The following AGBL4 variants were observed in gnomAD, a reference collection of about 807,000 sequenced individuals.
The protein encoded by AGBL4 is AGBL carboxypeptidase 4.
AGBL4 carries 58 observed loss-of-function variants against 66.4 expected under a neutral mutation model. That is an observed-to-expected ratio of 0.87 (90% CI 0.71 to 1.09). AGBL4 has a LOEUF of 1.09. Among genes scored for constraint, AGBL4 ranks in the 50% least tolerant of loss-of-function variants. The pLI is 0.00. For missense variants in AGBL4, 579 were observed against 631.0 expected, an observed-to-expected ratio of 0.92 and a Z score of 0.88; for synonymous variants, 234 against 222.9, an observed-to-expected ratio of 1.05 and a Z score of -0.44.
At chr1:49,117,404 T>C (rs1645549321) in intron 4 of AGBL4, among the ~76,000 whole-genome samples, 1 of 152,176 alleles carries the variant, frequency 6.6e-6, no homozygotes, top group South Asian at 2.1e-4. Context: ...GTATAAGGTG[T>C]AAGGAGGGGA....
At chr1:49,563,666 A>C (rs1558055276) in intron 3 of AGBL4, among the ~76,000 whole-genome samples, 1 of 152,082 alleles carries the variant, frequency 6.6e-6, no homozygotes, top group Non-Finnish European at 1.5e-5. Context: ...AGCCCACTTG[A>C]TCATGGTGGA....
At chr1:49,463,359 T>C (rs1359254585) in intron 3 of AGBL4, among the ~76,000 whole-genome samples, 1 of 151,716 alleles carries the variant, frequency 6.6e-6, no homozygotes, top group East Asian at 1.9e-4. Flanking sequence ...AATAGTACTC[T>C]TCCACTTAAA....
At chr1:48,924,349 T>C (rs1188494810) in intron 5 of AGBL4, among the ~76,000 whole-genome samples, 1 of 152,008 alleles carries the variant, frequency 6.6e-6, no homozygotes, top group African/African-American at 2.4e-5. Flanking sequence ...CTATTTGTTC[T>C]CTCACCTGAG....
intron 6 of AGBL4, among the ~76,000 whole-genome samples, chr1:48,754,128 A>G (rs902165820): frequency 6.6e-6 from 1 of 152,180 alleles, no homozygotes; most frequent in Non-Finnish European, 1.5e-5. Context: ...AGTGGTACTT[A>G]CAGTGTAACA....
chr1:48,664,152 C>G (rs770585577), intron 6 of AGBL4, among the ~76,000 whole-genome samples: 2 of 152,178 alleles, frequency 1.3e-5, no homozygotes, highest in Non-Finnish European at 2.9e-5. Context: ...AGCAAAGAAG[C>G]CTCACTGAGA....
At chr1:49,387,502 C>T (rs942183575) in intron 3 of AGBL4, among the ~76,000 whole-genome samples, 8 of 151,582 alleles carry the variant, frequency 5.3e-5, no homozygotes, top group Non-Finnish European at 1.2e-4. Flanking sequence ...TCCTTTCATC[C>T]TATCTTTTCA....
At chr1:49,511,001 T>A (rs1649186805) in intron 3 of AGBL4, among the ~76,000 whole-genome samples, 1 of 151,888 alleles carries the variant, frequency 6.6e-6, no homozygotes, top group South Asian at 2.1e-4. Flanking sequence ...GTAGTATAGT[T>A]TGAAGTCAGG....
In AGBL4 at chr1:49,870,584, A is replaced by G. The variant is rs1040020866; in HGVS notation, c.35-19066T>C. ...TATATATATCTACAATGTACCCTTA[A>G]AAATTAAAAATTAAAAATTTTTTGA... On this transcript the variant is annotated intron_variant, in intron 1 of 13. Transcript: ENST00000371839. Among the ~76,000 whole-genome samples, 13 of 151,760 alleles carry G rather than the reference A, an allele frequency of 8.6e-5. No homozygotes were observed. In the East Asian group the frequency reaches 1.9e-3, roughly 23 times the overall value.
intron 3 of AGBL4, among the ~76,000 whole-genome samples, chr1:49,634,365 C>T (rs1645630183): frequency 6.6e-6 from 1 of 152,156 alleles, no homozygotes; most frequent in Admixed American, 6.5e-5. Flanking sequence ...TTTCCAGCTT[C>T]ATCCATGTCC....
At chr1:48,549,425 C>T (rs988776019) in intron 11 of AGBL4, among the ~76,000 whole-genome samples, 1 of 152,004 alleles carries the variant, frequency 6.6e-6, no homozygotes, top group Non-Finnish European at 1.5e-5. Context: ...TCCAGAGGCA[C>T]CCCCTAGGTA....
intron 3 of AGBL4, among the ~76,000 whole-genome samples, chr1:49,303,306 A>G (rs1276333681): frequency 6.6e-6 from 1 of 152,146 alleles, no homozygotes; most frequent in East Asian, 1.9e-4. Context: ...AGTTCTCCAC[A>G]GCCTTGCCAG....
rs76830472 is a variant in AGBL4 at position 48,537,271 on chromosome 1, A to C, written c.1365-2355T>G. On this transcript the variant is annotated intron_variant, in intron 12 of 13. Transcript: ENST00000371839. ...AGGCAGAGGTGTGTGCATAGGGAGG[A>C]GGTTATTAAGTTTTTTCTTAATTTA... is the stretch of plus-strand genomic sequence containing the variant. Among the ~76,000 whole-genome samples, 1,054 of 152,122 alleles carry C rather than the reference A, an allele frequency of 6.9e-3. 5 individuals are homozygous for C. The highest frequency in any genetic ancestry group is 0.012 in the Non-Finnish European group (813 of 67,998).
intron 5 of AGBL4, among the ~76,000 whole-genome samples, chr1:48,962,057 T>C (rs1305902235): frequency 6.6e-6 from 1 of 152,036 alleles, no homozygotes; most frequent in Non-Finnish European, 1.5e-5. Flanking sequence ...ACCACAGACT[T>C]AGACCACCCT....
chr1:49,222,682 C>T (rs1336042996), intron 4 of AGBL4, among the ~76,000 whole-genome samples: 2 of 152,138 alleles, frequency 1.3e-5, no homozygotes, highest in African/African-American at 4.8e-5. Context: ...ACAAAATCAT[C>T]CAAAACAATC....
chr1:49,452,794 C>T (rs1646307145), intron 3 of AGBL4, among the ~76,000 whole-genome samples: 1 of 151,696 alleles, frequency 6.6e-6, no homozygotes, highest in Admixed American at 6.6e-5. Flanking sequence ...ATAAGGATCC[C>T]CTAAAGGAAT....
At chr1:49,937,610 T>C (rs1251116962) in intron 1 of AGBL4, among the ~76,000 whole-genome samples, 1 of 152,044 alleles carries the variant, frequency 6.6e-6, no homozygotes, top group African/African-American at 2.4e-5. Context: ...CCTCAGCAAA[T>C]GTAAAAGAAC....
intron 4 of AGBL4, chr1:49,187,233 T>G (rs1647032411): frequency 6.6e-6 from 1 of 152,160 alleles, no homozygotes. Context: ...CTCTCTTGTT[T>G]CTCGTCAGCA....
intron 5 of AGBL4, among the ~76,000 whole-genome samples, chr1:48,962,113 C>CCATA: frequency 6.7e-6 from 1 of 148,610 alleles, no homozygotes; most frequent in African/African-American, 2.6e-5. Context: ...ATCCATCCAT[C>CCATA]CATCCATCCA....
At chr1:48,731,821 C>T (rs1648182627) in intron 6 of AGBL4, among the ~76,000 whole-genome samples, 1 of 152,158 alleles carries the variant, frequency 6.6e-6, no homozygotes, top group South Asian at 2.1e-4. Context: ...GCTTCTATGG[C>T]ATGTTTAGAA....
Sources: gnomAD v4.1 joint callset for allele counts (sites outside exome capture counted in the v4.1 genomes callset) on GRCh38, gnomAD v4.1.1 for gene constraint, MANE v1.5 for transcripts, NCBI Gene and HGNC (gene_info 2026-07-23, HGNC 2026-07-21) for gene names.